PGGT1B: variants seen among roughly 807,000 people sequenced by gnomAD.
PGGT1B encodes the protein protein geranylgeranyltransferase type I subunit beta.
In PGGT1B, 30 loss-of-function variants were observed where a neutral mutation model predicts 46.1. The ratio of observed to expected loss-of-function variants is 0.65; its 90% CI spans 0.49 to 0.88. The LOEUF is 0.88. Among genes scored for constraint, PGGT1B ranks in the 40% least tolerant of loss-of-function variants. PGGT1B has a pLI of 0.00. For missense variants in PGGT1B, 376 were observed against 455.9 expected (o/e 0.82, Z 1.60); for synonymous variants, 170 against 160.0 (o/e 1.06, Z -0.47).
intron 6 of PGGT1B, among the ~76,000 whole-genome samples, chr5:115,224,716 T>A (rs1756709089): frequency 6.6e-6 from 1 of 151,696 alleles, no homozygotes; most frequent in Non-Finnish European, 1.5e-5. Context: ...CAAAAAAATA[T>A]TTTTAAAATT....
intron 2 of PGGT1B, 45 bp downstream of exon 2, chr5:115,253,092 G>C (rs767627074): frequency 1.9e-6 from 3 of 1,563,092 alleles, no homozygotes; most frequent in Non-Finnish European, 1.7e-6. Flanking sequence ...GTTATGTCAG[G>C]TACAACCAGT....
intron 6 of PGGT1B, among the ~76,000 whole-genome samples, chr5:115,228,126 G>T (rs1431414492): frequency 6.6e-6 from 1 of 152,186 alleles, no homozygotes; most frequent in Non-Finnish European, 1.5e-5. Flanking sequence ...TTAAAAATAT[G>T]CAGTTTGAGA....
intron 2 of PGGT1B, among the ~76,000 whole-genome samples, chr5:115,251,596 A>G (rs74486795): frequency 0.019 from 2,858 of 152,084 alleles, 80 homozygotes; most frequent in African/African-American, 0.065. Context: ...GGAAACTATA[A>G]CCTACAGCTT....
intron 1 of PGGT1B, 129 bp downstream of exon 1, chr5:115,262,583 A>T (rs1748610341): frequency 9.5e-7 from 1 of 1,055,320 alleles, no homozygotes; most frequent in Admixed American, 2.4e-5. Flanking sequence ...AGCCCACTTG[A>T]AACCAGTCAG....
chr5:115,242,114 C>T (rs1213258153), intron 2 of PGGT1B, among the ~76,000 whole-genome samples: 1 of 152,202 alleles, frequency 6.6e-6, no homozygotes, highest in Admixed American at 6.5e-5. Flanking sequence ...CTTTGTATTT[C>T]CACATTAGCT....
At chr5:115,218,514 A>G (rs1756492786) in intron 7 of PGGT1B, among the ~76,000 whole-genome samples, 1 of 148,706 alleles carries the variant, frequency 6.7e-6, no homozygotes, top group Non-Finnish European at 1.5e-5. Flanking sequence ...AAAAAACCCA[A>G]ACTCTAAAAT....
chr5:115,258,721 T>C (rs959766403), intron 1 of PGGT1B, among the ~76,000 whole-genome samples: 1 of 152,208 alleles, frequency 6.6e-6, no homozygotes, highest in African/African-American at 2.4e-5. Flanking sequence ...AGTCCCTGTC[T>C]CTCTTCAGGC....
chr5:115,232,947 A>T (rs1417761817), intron 5 of PGGT1B, among the ~76,000 whole-genome samples: 1 of 152,006 alleles, frequency 6.6e-6, no homozygotes, highest in Non-Finnish European at 1.5e-5. Context: ...AACAAAAGAG[A>T]ACCTTTTTCC....
At chr5:115,260,777 T>C (rs796180399) in intron 1 of PGGT1B, among the ~76,000 whole-genome samples, 8 of 152,288 alleles carry the variant, frequency 5.3e-5, no homozygotes, top group African/African-American at 1.9e-4. Context: ...ATATAACACC[T>C]GGTGTCGATC....
chr5:115,259,716 G>GGGA lies in PGGT1B; in HGVS notation c.140+2993_140+2995dup, dbSNP rs1426533642. ...AAAAAAAAAAAAAAAAAAAAGATAA[G>GGGA]GGAGGAAACGAAAGAACAAAGTAGT... On this transcript the variant is annotated intron_variant, in intron 1 of 8. Coordinates refer to ENST00000419445, the MANE Select transcript of PGGT1B (RefSeq NM_005023.4). Among the ~76,000 whole-genome samples, 9 of 145,442 alleles carry GGGA rather than the reference G, an allele frequency of 6.2e-5. No individual in the cohort carries two copies. The South Asian group carries it at 1.5e-3, about 25-fold the overall frequency.
chr5:115,210,830 T>A lies in PGGT1B; in HGVS notation c.*1572A>T, dbSNP rs1756198404. 1 of 152,052 alleles carries A rather than the reference T, an allele frequency of 6.6e-6. No homozygotes were observed. The highest frequency in any genetic ancestry group is 6.6e-5 in the Admixed American group (1 of 15,254). The allele number at this position is 152,052 out of a possible 1,614,324, so 9.4% of individuals were successfully genotyped here. ...TGGAATAACCCATAGACGGATAACA[T>A]CTGTTATTAAGCTTACTTTTTCCCC... On this transcript the variant is annotated 3_prime_UTR_variant, in exon 9 of 9. Coordinates refer to ENST00000419445, the MANE Select transcript of PGGT1B (RefSeq NM_005023.4).
Position 115,204,072 on chromosome 5 carries a change from A to G in PGGT1B, c.*8330T>C, listed in dbSNP as rs565559983. The G allele has an allele frequency of 1.3e-5, 2 of 152,300 alleles. No individual in the cohort carries two copies. Among genetic ancestry groups the G allele is most frequent in the East Asian group, 1.9e-4 (1 of 5,186 alleles). 9.4% of individuals were successfully genotyped at this position (152,300 alleles called of 1,614,324 possible). On this transcript the variant is annotated 3_prime_UTR_variant, in exon 9 of 9. Transcript: ENST00000419445. ...GATCCAGCTACCACACACTAAAATC[A>G]TATTAGTTTTTCGGGGGTAGGAGTA...
intron 3 of PGGT1B, among the ~76,000 whole-genome samples, chr5:115,238,291 ATTT>A (rs35711954): frequency 4.2e-3 from 197 of 46,946 alleles, no homozygotes; most frequent in African/African-American, 0.013. Context: ...ATTTTTTTGG[ATTT>A]TTTTTTTTTT....
At chr5:115,260,213 A>G (rs190561) in intron 1 of PGGT1B, among the ~76,000 whole-genome samples, 111,358 of 152,148 alleles carry the variant, frequency 0.73, 42,008 homozygotes, top group African/African-American at 0.93. Context: ...AAAAGAAACA[A>G]GAAAATAAGA....
rs1580737103 is a variant in PGGT1B, at chr5:115,209,719, G to A, written c.*2683C>T. 6.6e-6 allele frequency: 1 copy of A among 152,046 alleles called. No homozygotes were observed. Among genetic ancestry groups the A allele is most frequent in the African/African-American group, 2.4e-5 (1 of 41,392 alleles). The allele number at this position is 152,046 out of a possible 1,614,324, so 9.4% of individuals were successfully genotyped here. On this transcript the variant is annotated 3_prime_UTR_variant, in exon 9 of 9. Coordinates refer to ENST00000419445, the MANE Select transcript of PGGT1B (RefSeq NM_005023.4). Reference sequence around the variant, plus strand: ...AGACCTCTTTCTGTTGTAGAAGAGAGGTTTTAATTACAAAAATAATTTTAT... The same window carrying A: ...AGACCTCTTTCTGTTGTAGAAGAGAAGTTTTAATTACAAAAATAATTTTAT...
chr5:115,215,788 A>C (rs1314499357), intron 8 of PGGT1B, among the ~76,000 whole-genome samples: 1 of 152,218 alleles, frequency 6.6e-6, no homozygotes. Context: ...AATAAAAACC[A>C]CGACTCTATT....
chr5:115,204,231 G>A lies in PGGT1B; in HGVS notation c.*8171C>T, dbSNP rs755270045. ...CAGTGATTGGTTCTCAACTTTGAAT[G>A]TGCATTGAAACCACTTGGAGGGCTT... On this transcript the variant is annotated 3_prime_UTR_variant, in exon 9 of 9. Coordinates refer to ENST00000419445, the MANE Select transcript of PGGT1B (RefSeq NM_005023.4). The A allele has an allele frequency of 6.6e-6, 1 of 152,226 alleles. No individual in the cohort carries two copies. Among genetic ancestry groups the A allele is most frequent in the Non-Finnish European group, 1.5e-5 (1 of 68,006 alleles). 9.4% of individuals were successfully genotyped at this position (152,226 alleles called of 1,614,324 possible).
intron 7 of PGGT1B, among the ~76,000 whole-genome samples, chr5:115,219,050 T>C (rs1296034631): frequency 1.3e-5 from 2 of 151,876 alleles, no homozygotes; most frequent in South Asian, 2.1e-4. Flanking sequence ...ACAGATTCAA[T>C]GCAATTCCCA....
chr5:115,236,658 T>A, intron 4 of PGGT1B, 136 bp from the exon 5 acceptor site: 1 of 519,496 alleles, frequency 1.9e-6, no homozygotes, highest in Non-Finnish European at 3.3e-6. Context: ...TATTCAATAT[T>A]CTACTTTTAT....
Sources: allele counts gnomAD v4.1 joint callset (sites outside exome capture counted in the v4.1 genomes callset), GRCh38; gene constraint gnomAD v4.1.1; transcripts MANE v1.5; gene names NCBI Gene and HGNC (gene_info 2026-07-23, HGNC 2026-07-21).